Variants in MAF observed in about 807,000 individuals in gnomAD.
MAF encodes MAF bZIP transcription factor.
MAF carries 10 observed loss-of-function variants against 22.0 expected under a neutral mutation model. That is an observed-to-expected ratio of 0.45 (90% CI 0.28 to 0.77). The LOEUF (loss-of-function observed/expected upper bound fraction) is 0.77. MAF is among the 30% of genes least tolerant of loss of function. The probability of loss-of-function intolerance (pLI) is 0.12; values close to 1 mark genes in which losing one functional copy is unlikely to be tolerated. For missense variants in MAF, 544 were observed against 548.4 expected (o/e 0.99, Z 0.08); for synonymous variants, 337 against 255.8 (o/e 1.32, Z -3.03).
the MAF span, among the ~76,000 whole-genome samples, chr16:79,259,171 G>C: frequency 5.9e-5 from 9 of 152,188 alleles, no homozygotes; most frequent in African/African-American, 2.2e-4. Context: ...CAGGCCGGCT[G>C]GCTCGAATCC....
At chr16:79,504,688 C>G in the MAF span, among the ~76,000 whole-genome samples, 323 of 152,036 alleles carry the variant, frequency 2.1e-3, 2 homozygotes, top group African/African-American at 7.6e-3. Flanking sequence ...GGATGGATGA[C>G]GGATAGATGG....
At chr16:79,232,448 C>T in the MAF span, among the ~76,000 whole-genome samples, 2 of 151,890 alleles carry the variant, frequency 1.3e-5, no homozygotes, top group East Asian at 1.9e-4. Flanking sequence ...GTAGTTGACT[C>T]GACAATTTCT....
At chr16:79,523,254 C>T in the MAF span, among the ~76,000 whole-genome samples, 1 of 152,152 alleles carries the variant, frequency 6.6e-6, no homozygotes, top group Non-Finnish European at 1.5e-5. Context: ...AATTCTCTAC[C>T]ATAGCAAAGG....
chr16:79,511,606 C>T, the MAF span, among the ~76,000 whole-genome samples: 1 of 152,210 alleles, frequency 6.6e-6, no homozygotes, highest in African/African-American at 2.4e-5. Flanking sequence ...ATGTTACTGG[C>T]TTCCCAGCAG....
the MAF span, among the ~76,000 whole-genome samples, chr16:79,484,007 T>G: frequency 0.017 from 2,618 of 151,694 alleles, 68 homozygotes; most frequent in African/African-American, 0.059. Flanking sequence ...TTAGATGGAG[T>G]GAGGGCAAGG....
the MAF span, among the ~76,000 whole-genome samples, chr16:79,405,070 C>T: frequency 1.7e-4 from 26 of 152,246 alleles, no homozygotes; most frequent in African/African-American, 5.8e-4. Context: ...CCTTCTTCAG[C>T]GTGGGTGACA....
At chr16:79,351,042 G>A in the MAF span, among the ~76,000 whole-genome samples, 2 of 152,112 alleles carry the variant, frequency 1.3e-5, no homozygotes, top group Non-Finnish European at 2.9e-5. Context: ...CCACTTCCCG[G>A]GGAAGCCTGA....
At chr16:79,301,308 C>A in the MAF span, among the ~76,000 whole-genome samples, 1 of 152,236 alleles carries the variant, frequency 6.6e-6, no homozygotes, top group East Asian at 1.9e-4. Flanking sequence ...GAGGCCACTC[C>A]TGGACACTAA....
the MAF span, among the ~76,000 whole-genome samples, chr16:79,457,425 C>G: frequency 1.6e-4 from 23 of 145,930 alleles, no homozygotes; most frequent in Non-Finnish European, 3.3e-4. Flanking sequence ...CCCATTCGGA[C>G]AATGTTACTA....
chr16:79,598,377 G>A lies in MAF; in HGVS notation c.1118+408C>T. Reference sequence around the variant, plus strand: ...ATATGTGAATGATGCAGGCTTCAAAGGTGATCAACGTTTCACATGAAGAAC... The same window carrying A: ...ATATGTGAATGATGCAGGCTTCAAAAGTGATCAACGTTTCACATGAAGAAC... On this transcript the variant is annotated intron_variant, in intron 1 of 1. Coordinates refer to ENST00000326043, the MANE Select transcript of MAF (RefSeq NM_005360.5). 3.4e-6 allele frequency: 4 copies of A among 1,193,586 alleles called. No homozygotes were observed. In the South Asian group the frequency reaches 8.7e-5, roughly 26 times the overall value. 73.9% of individuals were successfully genotyped at this position (1,193,586 alleles called of 1,614,324 possible).
At chr16:79,246,094 A>G in the MAF span, among the ~76,000 whole-genome samples, 1 of 152,102 alleles carries the variant, frequency 6.6e-6, no homozygotes, top group East Asian at 1.9e-4. Flanking sequence ...CATTAGGAGA[A>G]ATACCTAATG....
the MAF span, among the ~76,000 whole-genome samples, chr16:79,502,696 AATATAAATATAAATATATAT>A: frequency 1.6e-4 from 3 of 19,242 alleles, no homozygotes; most frequent in Non-Finnish European, 2.0e-4. Context: ...TATAAATATA[AATATAAATATAAATATATAT>A]ATATATATAT....
the MAF span, among the ~76,000 whole-genome samples, chr16:79,455,289 G>A: frequency 3.9e-5 from 6 of 152,064 alleles, no homozygotes; most frequent in Non-Finnish European, 7.4e-5. Context: ...GCTCAAGAGG[G>A]TTTCTCTTTG....
chr16:79,227,517 C>T, the MAF span, among the ~76,000 whole-genome samples: 1 of 152,000 alleles, frequency 6.6e-6, no homozygotes, highest in Admixed American at 6.6e-5. Flanking sequence ...AGTAACGGTA[C>T]TGTAATTGTT....
Position 79,594,496 on chromosome 16 carries a change from G to C in MAF, c.1176C>G (p.Pro392=), listed in dbSNP as rs760706664. The C allele has an allele frequency of 8.3e-6, 13 of 1,566,868 alleles. No individual in the cohort carries two copies. In the South Asian group the frequency reaches 1.3e-4, roughly 16 times the overall value. ...ACACACTGGTAAGTACACGATGCTGGGGCTTCCAAAATGTGGCGTATCCCA... is the reference window on the plus strand; with the variant it reads ...ACACACTGGTAAGTACACGATGCTGCGGCTTCCAAAATGTGGCGTATCCCA... ...PSVGYATFWK[P]QHRVLTSVFT... is the part of the protein sequence containing the mutation. Residue 392 remains proline, a synonymous_variant, in exon 2 of 2, where the codon CCC becomes CCG. Coordinates refer to ENST00000326043, the MANE Select transcript of MAF (RefSeq NM_005360.5).
chr16:79,328,174 G>A, the MAF span, among the ~76,000 whole-genome samples: 314 of 152,284 alleles, frequency 2.1e-3, no homozygotes, highest in Non-Finnish European at 3.4e-3. Context: ...GTAATATATT[G>A]CCGCCCTGGG....
At chr16:79,211,054 T>TGTGTGTGC in the MAF span, among the ~76,000 whole-genome samples, 1 of 152,070 alleles carries the variant, frequency 6.6e-6, no homozygotes, top group South Asian at 2.1e-4. Flanking sequence ...TGTGTGTGTG[T>TGTGTGTGC]GTGCATTAAA....
chr16:79,455,537 CA>C, the MAF span, among the ~76,000 whole-genome samples: 2 of 152,122 alleles, frequency 1.3e-5, no homozygotes, highest in African/African-American at 4.8e-5. Flanking sequence ...GTCTTCCAGC[CA>C]ACATACCTCA....
At chr16:79,242,608 G>C in the MAF span, among the ~76,000 whole-genome samples, 1 of 151,928 alleles carries the variant, frequency 6.6e-6, no homozygotes, top group African/African-American at 2.4e-5. Flanking sequence ...AATAGTGGGA[G>C]ACTTTAACAC....
Sources: gnomAD v4.1 joint callset for allele counts (sites outside exome capture counted in the v4.1 genomes callset) on GRCh38, gnomAD v4.1.1 for gene constraint, MANE v1.5 for transcripts, NCBI Gene and HGNC (gene_info 2026-07-23, HGNC 2026-07-21) for gene names.